Variants in OOSP4B observed in about 807,000 individuals in gnomAD.
OOSP4B encodes oocyte secreted protein family member 4B, also known as oocyte-secreted protein 4B.
At chr11:60,026,734 G>A (rs904250417) in intron 3 of OOSP4B, among the ~76,000 whole-genome samples, 1 of 152,108 alleles carries the variant, frequency 6.6e-6, no homozygotes, top group South Asian at 2.1e-4. Context: ...GTAGCCACTG[G>A]TAATATTACA....
At position 60,019,760 on chromosome 11, in the gene OOSP4B, G is replaced by T. The variant is rs567122928; in HGVS notation, c.22+2347G>T. ...TTATTGCAAAAAGCCAAAGAATAAA[G>T]CTTCCACAGTTTGGAAGGAGACCCC... is the stretch of plus-strand genomic sequence containing the variant. On this transcript the variant is annotated intron_variant, in intron 1 of 4. Coordinates refer to ENST00000642343, the Ensembl canonical transcript of OOSP4B. Among the ~76,000 whole-genome samples the T allele has an allele frequency of 4.6e-5, 7 of 152,312 alleles. No individual in the cohort carries two copies. The South Asian group carries it at 1.4e-3, about 32-fold the overall frequency.
At chr11:60,017,380 G>A (rs1854638710) in exon 1 of OOSP4B, 1 of 398,528 alleles carries the variant, frequency 2.5e-6, no homozygotes, top group Admixed American at 4.4e-5. Flanking sequence ...TTGTGTCTTG[G>A]AGTCTGGAGC....
At chr11:60,019,214 CTCTT>C (rs1315464635) in intron 1 of OOSP4B, among the ~76,000 whole-genome samples, 1 of 151,272 alleles carries the variant, frequency 6.6e-6, no homozygotes, top group Non-Finnish European at 1.5e-5. Context: ...CAGAGCGAGA[CTCTT>C]TCTCAGAAAA....
At chr11:60,030,009 T>A (rs752622530) in intron 4 of OOSP4B, 80 bp downstream of exon 4, 8 of 396,166 alleles carry the variant, frequency 2.0e-5, no homozygotes, top group Non-Finnish European at 1.8e-5. Context: ...TGATGTAAAT[T>A]CCTATTTGAA....
In OOSP4B at chr11:60,023,609, A is replaced by G. The variant is rs187154175; in HGVS notation, c.23-271A>G. ...GCCACCATGCTTGGATAATTTTTGCATTTTTAGTAGAGATGGGTTTCACCA... is the reference window on the plus strand; with the variant it reads ...GCCACCATGCTTGGATAATTTTTGCGTTTTTAGTAGAGATGGGTTTCACCA... On this transcript the variant is annotated intron_variant, in intron 1 of 4. Transcript: ENST00000642343. Among the ~76,000 whole-genome samples, 494 of 151,928 alleles carry G rather than the reference A, an allele frequency of 3.3e-3. 3 individuals carry two copies. Among genetic ancestry groups the G allele is most frequent in the African/African-American group, 0.01 (433 of 41,438 alleles).
At chr11:60,018,347 C>A (rs545940412) in intron 1 of OOSP4B, among the ~76,000 whole-genome samples, 18 of 152,228 alleles carry the variant, frequency 1.2e-4, no homozygotes, top group African/African-American at 4.1e-4. Context: ...TTGGCTGTCA[C>A]AACAGCGTTT....
At chr11:60,020,799 A>G (rs980910458) in intron 1 of OOSP4B, among the ~76,000 whole-genome samples, 1 of 152,164 alleles carries the variant, frequency 6.6e-6, no homozygotes, top group Non-Finnish European at 1.5e-5. Flanking sequence ...AGTTCCAGCT[A>G]CTCCAGAGGC....
chr11:60,019,893 T>C (rs1276283547), intron 1 of OOSP4B, among the ~76,000 whole-genome samples: 2 of 152,180 alleles, frequency 1.3e-5, no homozygotes, highest in Admixed American at 1.3e-4. Context: ...TGGTCCGTTT[T>C]GACAGGGTGC....
At chr11:60,022,988 C>CTA (rs1427434890) in intron 1 of OOSP4B, among the ~76,000 whole-genome samples, 1 of 152,062 alleles carries the variant, frequency 6.6e-6, no homozygotes, top group Admixed American at 6.6e-5. Context: ...GTGGTAGTGT[C>CTA]TTATATAAAG....
intron 1 of OOSP4B, among the ~76,000 whole-genome samples, chr11:60,021,062 C>A (rs1854686611): frequency 6.6e-6 from 1 of 152,222 alleles, no homozygotes; most frequent in Non-Finnish European, 1.5e-5. Context: ...GAATGAATGG[C>A]TATGTGAAAG....
intron 1 of OOSP4B, among the ~76,000 whole-genome samples, chr11:60,020,256 C>T (rs567906574): frequency 9.1e-4 from 139 of 152,316 alleles, no homozygotes; most frequent in East Asian, 1.9e-3. Flanking sequence ...GCAGTGTGCC[C>T]GCACTCCTCA....
exon 2 of OOSP4B, chr11:60,023,973 A>G: frequency 2.5e-6 from 1 of 398,578 alleles, no homozygotes; most frequent in Non-Finnish European, 4.4e-6. Context: ...GGCGACATAC[A>G]CCTGAGAGAT....
rs61649958 is a variant in OOSP4B at position 60,027,655 on chromosome 11, T to TAAA, written c.303-2104_303-2102dup. 8.8e-4 allele frequency among the ~76,000 whole-genome samples: 55 copies of TAAA among 62,196 alleles called. 1 individual carries two copies. The highest frequency in any genetic ancestry group is 1.4e-3 in the Admixed American group (5 of 3,570). The allele number at this position is 62,196 out of a possible 152,430, so 40.8% of individuals were successfully genotyped here. ...TCTAAGCAGGTAAAGGCTATGATAT[T>TAAA]AAAAAAAAAAAAAAAAAAAAAAAAA... On this transcript the variant is annotated intron_variant, in intron 3 of 4. Coordinates refer to ENST00000642343, the Ensembl canonical transcript of OOSP4B.
chr11:60,018,405 T>G (rs943770120), intron 1 of OOSP4B, among the ~76,000 whole-genome samples: 1 of 152,218 alleles, frequency 6.6e-6, no homozygotes, highest in Non-Finnish European at 1.5e-5. Context: ...CTACACATTC[T>G]GCAATGTATA....
chr11:60,023,290 A>C (rs928705970), intron 1 of OOSP4B, among the ~76,000 whole-genome samples: 10 of 152,256 alleles, frequency 6.6e-5, no homozygotes, highest in Non-Finnish European at 1.2e-4. Flanking sequence ...TTGTGCTACA[A>C]ATACAAAACA....
At chr11:60,020,510 G>A (rs948172274) in intron 1 of OOSP4B, among the ~76,000 whole-genome samples, 10 of 152,218 alleles carry the variant, frequency 6.6e-5, no homozygotes, top group South Asian at 2.1e-4. Context: ...CGGCGGCTCC[G>A]AGTGTGGGGC....
At chr11:60,018,075 G>C (rs1854643898) in intron 1 of OOSP4B, among the ~76,000 whole-genome samples, 1 of 152,084 alleles carries the variant, frequency 6.6e-6, no homozygotes, top group African/African-American at 2.4e-5. Context: ...ATGATGAGAG[G>C]CCCCGTGAAA....
At chr11:60,019,368 G>A in intron 1 of OOSP4B, 1 of 168,192 alleles carries the variant, frequency 5.9e-6, no homozygotes, top group Non-Finnish European at 1.3e-5. Flanking sequence ...ACAAAAATTA[G>A]CCAGGTGTAG....
Position 60,020,699 on chromosome 11 carries a change from G to A in OOSP4B, c.23-3181G>A, listed in dbSNP as rs561589955. Among the ~76,000 whole-genome samples the A allele has an allele frequency of 3.3e-5, 5 of 152,388 alleles. No individual in the cohort carries two copies. The East Asian group carries it at 5.8e-4, about 18-fold the overall frequency. On this transcript the variant is annotated intron_variant, in intron 1 of 4. Transcript: ENST00000642343. Reference sequence around the variant, plus strand: ...CGGCGGGCTAAAGGGCTCCTCAAGCGGCCAGAGTGGGCGCCAAGGCCGAGG... The same window carrying A: ...CGGCGGGCTAAAGGGCTCCTCAAGCAGCCAGAGTGGGCGCCAAGGCCGAGG...
Sources: allele counts gnomAD v4.1 joint callset (sites outside exome capture counted in the v4.1 genomes callset), GRCh38; gene constraint gnomAD v4.1.1; transcripts MANE v1.5; gene names NCBI Gene and HGNC (gene_info 2026-07-23, HGNC 2026-07-21).